Variants in PCSK6 observed in about 807,000 individuals in gnomAD.
PCSK6 encodes the protein paired basic amino acid cleaving enzyme 4.
A neutral mutation model predicts 123.3 loss-of-function variants in PCSK6; 85 were observed. The observed-to-expected ratio is 0.69, with a 90% CI of 0.58 to 0.83. PCSK6 has a LOEUF of 0.83. Among genes scored for constraint, PCSK6 ranks in the 40% least tolerant of loss-of-function variants. The pLI is 0.00. For synonymous variants in PCSK6, 508 were observed against 516.0 expected (o/e 0.98, Z 0.21); for missense variants, 1,191 against 1,282.3 (o/e 0.93, Z 1.09).
chr15:101,458,602 T>C (rs542970628), intron 1 of PCSK6, among the ~76,000 whole-genome samples: 14 of 152,054 alleles, frequency 9.2e-5, no homozygotes, highest in Non-Finnish European at 1.9e-4. Flanking sequence ...GTGTATCTTC[T>C]CCAGCGCAAA....
rs368464845 is a variant in PCSK6, at chr15:101,398,367, T to C, written c.996+37A>G. The C allele has an allele frequency of 8.3e-5, 131 of 1,574,464 alleles. No individual in the cohort carries two copies. The highest frequency in any genetic ancestry group is 4.0e-5 in the African/African-American group (3 of 74,148). On this transcript the variant is annotated intron_variant, in intron 7 of 21. Coordinates refer to ENST00000611716, the MANE Select transcript of PCSK6 (RefSeq NM_002570.5). This position sits in a 1 kb window ranked among gnomAD's most constrained non-coding sequence, Gnocchi z 4.6. ...GTTAAAATGTTTACTGTCACCCTTG[T>C]CCCAGAGCGCTCCCCTGTAGCCCTG...
chr15:101,370,018 A>G (rs1407759554), intron 12 of PCSK6, among the ~76,000 whole-genome samples: 2 of 152,256 alleles, frequency 1.3e-5, no homozygotes, highest in African/African-American at 4.8e-5. Context: ...CTAAGCAAAG[A>G]AGGCATAGCC....
At chr15:101,433,919 G>A (rs567048977) in intron 2 of PCSK6, among the ~76,000 whole-genome samples, 10 of 152,072 alleles carry the variant, frequency 6.6e-5, no homozygotes, top group African/African-American at 2.4e-4. Flanking sequence ...GATGTAATTC[G>A]TCTATAAAAC....
intron 6 of PCSK6, among the ~76,000 whole-genome samples, chr15:101,408,645 C>T (rs1273949856): frequency 6.6e-6 from 1 of 152,162 alleles, no homozygotes; most frequent in Non-Finnish European, 1.5e-5. Flanking sequence ...AGCAGCAGCT[C>T]CTAACATTCA....
chr15:101,319,729 G>A (rs2040073007), intron 18 of PCSK6, among the ~76,000 whole-genome samples: 1 of 152,210 alleles, frequency 6.6e-6, no homozygotes, highest in Non-Finnish European at 1.5e-5. Flanking sequence ...CTGGGGTGGT[G>A]AACAAGAACA....
At chr15:101,358,678 T>G (rs2041120225) in intron 13 of PCSK6, among the ~76,000 whole-genome samples, 1 of 152,200 alleles carries the variant, frequency 6.6e-6, no homozygotes, top group Non-Finnish European at 1.5e-5. Flanking sequence ...GAGGTACCAT[T>G]CATCTGGAGG....
At chr15:101,482,136 G>A (rs1052500087) in intron 1 of PCSK6, among the ~76,000 whole-genome samples, 4 of 152,258 alleles carry the variant, frequency 2.6e-5, no homozygotes, top group African/African-American at 9.6e-5. Context: ...CCTTTGTCTG[G>A]GAAGCAGGTA....
At chr15:101,313,682 T>G (rs2039924359) in intron 19 of PCSK6, 177 bp from the exon 20 acceptor site, 1 of 833,754 alleles carries the variant, frequency 1.2e-6, no homozygotes, top group Admixed American at 3.0e-5. Context: ...TCCCAGGAGG[T>G]GGGCATCGCC....
intron 19 of PCSK6, 123 bp from the exon 20 acceptor site, chr15:101,313,628 G>C: frequency 7.0e-7 from 1 of 1,419,506 alleles, no homozygotes; most frequent in Non-Finnish European, 9.4e-7. Context: ...CACCACCACA[G>C]CTGCCATTTC....
chr15:101,403,198 A>G (rs563997285), intron 6 of PCSK6, among the ~76,000 whole-genome samples: 2 of 146,046 alleles, frequency 1.4e-5, no homozygotes, highest in African/African-American at 5.1e-5. Flanking sequence ...GCATGTTCTC[A>G]CTCATAGGTG....
Position 101,398,721 on chromosome 15 carries a change from G to A in PCSK6, c.824-145C>T, listed in dbSNP as rs2042496497. On this transcript the variant is annotated intron_variant, in intron 6 of 21. Coordinates refer to ENST00000611716, the MANE Select transcript of PCSK6 (RefSeq NM_002570.5). The surrounding 1 kb of genome is among the most constrained non-coding windows in gnomAD (Gnocchi z 4.6). ...CTGTTCCCAGTCATTCTGCAAAACT[G>A]GCTCCTCTTCTCCATGCTGGCTGAT... The A allele has an allele frequency of 6.9e-6, 6 of 869,938 alleles. No individual in the cohort carries two copies. Among genetic ancestry groups the A allele is most frequent in the Non-Finnish European group, 1.0e-5 (6 of 589,628 alleles). The allele number at this position is 869,938 out of a possible 1,614,324, so 53.9% of individuals were successfully genotyped here. A position where few individuals can be genotyped will look rare whatever the true frequency, so the allele number is the denominator to read the frequency against.
chr15:101,371,368 A>G (rs1286238570), intron 11 of PCSK6, among the ~76,000 whole-genome samples: 1 of 152,204 alleles, frequency 6.6e-6, no homozygotes, highest in East Asian at 1.9e-4. Flanking sequence ...CAGGTACACT[A>G]AAAGGCCAGA....
At chr15:101,332,315 T>C (rs568634422) in intron 13 of PCSK6, among the ~76,000 whole-genome samples, 106 of 152,338 alleles carry the variant, frequency 7.0e-4, no homozygotes, top group Non-Finnish European at 1.2e-3. Context: ...GGCTGGACTC[T>C]CCACTGTCCT....
intron 15 of PCSK6, among the ~76,000 whole-genome samples, chr15:101,328,458 C>T (rs1033779419): frequency 3.9e-5 from 6 of 152,112 alleles, no homozygotes; most frequent in Admixed American, 1.3e-4. Flanking sequence ...ATTTGCTGAG[C>T]GGATGAGAGG....
At chr15:101,409,109 C>T (rs1456303928) in intron 6 of PCSK6, among the ~76,000 whole-genome samples, 2 of 152,228 alleles carry the variant, frequency 1.3e-5, no homozygotes, top group Non-Finnish European at 2.9e-5. Flanking sequence ...GCCCCAAATG[C>T]AGCCTACTCC....
intron 1 of PCSK6, among the ~76,000 whole-genome samples, chr15:101,470,271 A>G (rs2141233355): frequency 6.6e-6 from 1 of 152,342 alleles, no homozygotes; most frequent in South Asian, 2.1e-4. Context: ...TTTTACAACA[A>G]TGACATCTTA....
chr15:101,306,191 A>G (rs2039719166), intron 21 of PCSK6, among the ~76,000 whole-genome samples: 1 of 152,104 alleles, frequency 6.6e-6, no homozygotes. Context: ...CCGCTGCAGC[A>G]AGGGGAAGAG....
At chr15:101,456,573 C>A (rs372788227) in intron 1 of PCSK6, among the ~76,000 whole-genome samples, 1 of 152,164 alleles carries the variant, frequency 6.6e-6, no homozygotes. Flanking sequence ...CTGACAGGAG[C>A]GAGCATGACA....
Position 101,376,499 on chromosome 15 carries a change from T to C in PCSK6, c.1532+5593A>G, listed in dbSNP as rs528566423. ...ACCCATACACATAAAGCTCGGTCTATATGGACAGGCTGGCAAAAATGTGAC... is the reference window on the plus strand; with the variant it reads ...ACCCATACACATAAAGCTCGGTCTACATGGACAGGCTGGCAAAAATGTGAC... On this transcript the variant is annotated intron_variant, in intron 11 of 21. Transcript: ENST00000611716. Among the ~76,000 whole-genome samples the C allele has an allele frequency of 2.6e-5, 4 of 152,338 alleles. No homozygotes were observed. In the South Asian group the frequency reaches 8.3e-4, roughly 32 times the overall value.
Sources: gnomAD v4.1 joint callset for allele counts (sites outside exome capture counted in the v4.1 genomes callset) on GRCh38, gnomAD v4.1.1 for gene constraint, Gnocchi (gnomAD v3.1) non-coding constraint, MANE v1.5 for transcripts, NCBI Gene and HGNC (gene_info 2026-07-23, HGNC 2026-07-21) for gene names.